The following LPAR3 variants were observed in gnomAD, a reference collection of about 807,000 sequenced individuals.
The protein encoded by LPAR3 is lysophosphatidic acid receptor 3.
In LPAR3, 7 loss-of-function variants were observed where a neutral mutation model predicts 17.8. The ratio of observed to expected loss-of-function variants is 0.39; its 90% CI spans 0.22 to 0.74. The LOEUF is 0.74. LPAR3 is among the 30% of genes least tolerant of loss of function. The pLI, the probability that LPAR3 is intolerant of heterozygous loss-of-function variation, is 0.40. For synonymous variants in LPAR3, 179 were observed against 179.9 expected, an observed-to-expected ratio of 0.99 and a Z score of 0.04; for missense variants, 391 against 453.4, an observed-to-expected ratio of 0.86 and a Z score of 1.25.
At position 84,813,916 on chromosome 1, in the gene LPAR3, C is replaced by G; in HGVS notation, c.992G>C (p.Ser331Thr). The G allele has an allele frequency of 6.2e-7, 1 of 1,614,186 alleles. No homozygotes were observed. The highest frequency in any genetic ancestry group is 8.5e-7 in the Non-Finnish European group (1 of 1,180,030). The change falls in exon 3 of 3, where the codon AGT becomes ACT. Residue 331 changes from serine to threonine, a missense_variant. By Grantham distance (58) the Ser-to-Thr change is moderately conservative (BLOSUM62 1). Transcript: ENST00000370611. The part of the protein sequence containing the change: ...SRIPSTVLSR[S>T]DTGSQYIEDS... ...CTCTATGTACTGGCTGCCTGTGTCACTCCTGCTGAGGACTGTGGAGGGGAT... is the reference window on the plus strand; with the variant it reads ...CTCTATGTACTGGCTGCCTGTGTCAGTCCTGCTGAGGACTGTGGAGGGGAT...
intron 2 of LPAR3, among the ~76,000 whole-genome samples, chr1:84,832,545 G>T (rs1180626283): frequency 6.6e-6 from 1 of 152,100 alleles, no homozygotes; most frequent in Non-Finnish European, 1.5e-5. Flanking sequence ...TAGGGGCAGG[G>T]TCATGAAGGA....
chr1:84,860,381 G>A (rs768828568), intron 2 of LPAR3, among the ~76,000 whole-genome samples: 18 of 152,118 alleles, frequency 1.2e-4, no homozygotes, highest in East Asian at 1.9e-4. Context: ...TTTTTCCACC[G>A]CACCACAGCA....
rs1658848701 is a variant in LPAR3 at position 84,813,141 on chromosome 1, A to ATATATG, written c.*704_*705insCATATA. ...TAAAAACAGGAATATATATATATATATATATATATATATATATAGACACAC... is the reference window on the plus strand; with the variant it reads ...TAAAAACAGGAATATATATATATATATATATGTATATATATATATATATAGACACAC... On this transcript the variant is annotated 3_prime_UTR_variant, in exon 3 of 3. Coordinates refer to ENST00000370611, the MANE Select transcript of LPAR3 (RefSeq NM_012152.3). The ATATATG allele has an allele frequency of 8.7e-6, 1 of 115,038 alleles. No homozygotes were observed. Among genetic ancestry groups the ATATATG allele is most frequent in the South Asian group, 3.0e-4 (1 of 3,360 alleles). The allele number at this position is 115,038 out of a possible 1,614,324, so 7.1% of individuals were successfully genotyped here.
chr1:84,852,819 C>A (rs1034351197), intron 2 of LPAR3, among the ~76,000 whole-genome samples: 5 of 152,044 alleles, frequency 3.3e-5, no homozygotes, highest in Non-Finnish European at 7.4e-5. Context: ...CAAGCAGGCA[C>A]ATAACAGGAA....
chr1:84,814,044 C>A lies in LPAR3; in HGVS notation c.864G>T (p.Val288=). 6.2e-7 allele frequency: 1 copy of A among 1,614,128 alleles called. No homozygotes were observed. The highest frequency in any genetic ancestry group is 1.3e-5 in the African/African-American group (1 of 75,006). The change falls in exon 3 of 3, where the codon GTG becomes GTT. Residue 288 remains valine (V), a synonymous_variant. Transcript: ENST00000370611. The part of the protein sequence containing the change: ...FLLLALLNSV[V]NPIIYSYKDE... ...CCTTGTAGGAGTAGATGATGGGGTT[C>A]ACGACGGAGTTGAGCAGCGCCAGCA...
chr1:84,864,318 T>A (rs929424129), intron 2 of LPAR3, among the ~76,000 whole-genome samples: 1 of 152,158 alleles, frequency 6.6e-6, no homozygotes, highest in Non-Finnish European at 1.5e-5. Context: ...ATTAACCCAT[T>A]TATGCCAGGG....
chr1:84,825,221 C>T (rs1659133978), intron 2 of LPAR3, among the ~76,000 whole-genome samples: 1 of 152,172 alleles, frequency 6.6e-6, no homozygotes, highest in Non-Finnish European at 1.5e-5. Flanking sequence ...CTGCATTGTG[C>T]AATGTGAGAG....
Position 84,865,739 on chromosome 1 carries a change from G to A in LPAR3, c.382C>T (p.His128Tyr), listed in dbSNP as rs1433840161. ...TNLLVIAVER[H>Y]MSIMRMRVHS... ...ACCCGCATCCTCATGATTGACATGTGCCTCTCCACGGCGATAACCAGCAAG... is the reference window on the plus strand; with the variant it reads ...ACCCGCATCCTCATGATTGACATGTACCTCTCCACGGCGATAACCAGCAAG... The change falls in exon 2 of 3, where the codon CAC (histidine) becomes TAC (tyrosine). Residue 128 changes from histidine (H) to tyrosine (Y), a missense_variant. Transcript: ENST00000370611. The A allele has an allele frequency of 6.2e-7, 1 of 1,614,146 alleles. No homozygotes were observed. Among genetic ancestry groups the A allele is most frequent in the East Asian group, 2.2e-5 (1 of 44,884 alleles).
intron 1 of LPAR3, among the ~76,000 whole-genome samples, chr1:84,871,053 T>C (rs1464817032): frequency 6.6e-6 from 1 of 152,202 alleles, no homozygotes; most frequent in African/African-American, 2.4e-5. Flanking sequence ...GTAAGTAGGA[T>C]ACAATATGGT....
At chr1:84,837,935 T>C (rs1459500318) in intron 2 of LPAR3, among the ~76,000 whole-genome samples, 1 of 152,170 alleles carries the variant, frequency 6.6e-6, no homozygotes, top group Non-Finnish European at 1.5e-5. Flanking sequence ...CATAATTCAT[T>C]TCTAGGACAT....
chr1:84,881,339 T>C (rs1348667461), intron 1 of LPAR3, among the ~76,000 whole-genome samples: 1 of 152,146 alleles, frequency 6.6e-6, no homozygotes, highest in African/African-American at 2.4e-5. Flanking sequence ...GGCCAGAACC[T>C]TTTCCTTCTC....
intron 1 of LPAR3, among the ~76,000 whole-genome samples, chr1:84,866,666 A>G (rs1017431045): frequency 6.6e-6 from 1 of 152,196 alleles, no homozygotes; most frequent in African/African-American, 2.4e-5. Context: ...TCCCAAGATA[A>G]TAGGAGTTGA....
Position 84,813,777 on chromosome 1 carries a change from A to T in LPAR3, c.*69T>A. On this transcript the variant is annotated 3_prime_UTR_variant, in exon 3 of 3. Transcript: ENST00000370611. ...TAACACTGTACATGGGCTTTGTTAGAGACAGGTAATCATTCTTAACAGCTC... is the reference window on the plus strand; with the variant it reads ...TAACACTGTACATGGGCTTTGTTAGTGACAGGTAATCATTCTTAACAGCTC... The T allele has an allele frequency of 8.1e-7, 1 of 1,240,350 alleles. No homozygotes were observed. Among genetic ancestry groups the T allele is most frequent in the Non-Finnish European group, 1.1e-6 (1 of 871,722 alleles). 76.8% of individuals were successfully genotyped at this position (1,240,350 alleles called of 1,614,324 possible). A position where few individuals can be genotyped will look rare whatever the true frequency, so the allele number is the denominator to read the frequency against.
At chr1:84,839,650 A>G (rs910315607) in intron 2 of LPAR3, among the ~76,000 whole-genome samples, 1 of 151,998 alleles carries the variant, frequency 6.6e-6, no homozygotes, top group Non-Finnish European at 1.5e-5. Flanking sequence ...TGGATGACAG[A>G]GCAGGACCCT....
intron 2 of LPAR3, among the ~76,000 whole-genome samples, chr1:84,831,233 TG>T (rs144940325): frequency 0.087 from 13,186 of 152,266 alleles, 745 homozygotes; most frequent in Middle Eastern, 0.18. Flanking sequence ...TTTGGTTTTT[TG>T]GTTATTTCTT....
rs560800791 is a variant in LPAR3, at chr1:84,824,134, C to T, written c.737-9963G>A. On this transcript the variant is annotated intron_variant, in intron 2 of 2. Transcript: ENST00000370611. Reference sequence around the variant, plus strand: ...AAGGACTACAGCATTGGGCATTGCACAAGAAACTTGACCTACCTAGGACAC... The same window carrying T: ...AAGGACTACAGCATTGGGCATTGCATAAGAAACTTGACCTACCTAGGACAC... Among the ~76,000 whole-genome samples, 5 of 152,242 alleles carry T rather than the reference C, an allele frequency of 3.3e-5. No homozygotes were observed. In the South Asian group the frequency reaches 1.0e-3, roughly 32 times the overall value.
intron 2 of LPAR3, among the ~76,000 whole-genome samples, chr1:84,828,397 C>T (rs1293505350): frequency 1.3e-5 from 2 of 152,172 alleles, no homozygotes; most frequent in Non-Finnish European, 2.9e-5. Flanking sequence ...CTGATCATAT[C>T]TAACTTTTCC....
Position 84,813,812 on chromosome 1 carries a change from A to T in LPAR3, c.*34T>A, listed in dbSNP as rs1281313150. The T allele has an allele frequency of 6.5e-7, 1 of 1,547,592 alleles. No individual in the cohort carries two copies. The highest frequency in any genetic ancestry group is 1.7e-5 in the Admixed American group (1 of 58,810). On this transcript the variant is annotated 3_prime_UTR_variant, in exon 3 of 3. Transcript: ENST00000370611. Reference sequence around the variant, plus strand: ...TCATTCTTAACAGCTCTTTTCCCAGAGGAGGCCTGGGTGGGCCGAGAGGCA... The same window carrying T: ...TCATTCTTAACAGCTCTTTTCCCAGTGGAGGCCTGGGTGGGCCGAGAGGCA...
Position 84,813,148 on chromosome 1 carries a change from T to TAGAGAGAGAG in LPAR3, c.*697_*698insCTCTCTCTCT, listed in dbSNP as rs1410120645. ...AGGAATATATATATATATATATATA[T>TAGAGAGAGAG]ATATATATATAGACACACACACACA... On this transcript the variant is annotated 3_prime_UTR_variant, in exon 3 of 3. Coordinates refer to ENST00000370611, the MANE Select transcript of LPAR3 (RefSeq NM_012152.3). The TAGAGAGAGAG allele has an allele frequency of 2.8e-3, 303 of 109,186 alleles. 2 individuals carry two copies. The highest frequency in any genetic ancestry group is 0.02 in the Middle Eastern group (4 of 198). The allele number at this position is 109,186 out of a possible 1,614,324, so 6.8% of individuals were successfully genotyped here. A position where few individuals can be genotyped will look rare whatever the true frequency, so the allele number is the denominator to read the frequency against.
Sources: allele counts gnomAD v4.1 joint callset (sites outside exome capture counted in the v4.1 genomes callset), GRCh38; gene constraint gnomAD v4.1.1; transcripts MANE v1.5; gene names NCBI Gene and HGNC (gene_info 2026-07-23, HGNC 2026-07-21).